IL7R: variants seen among roughly 807,000 people sequenced by gnomAD.
IL7R encodes the protein interleukin 7 receptor, also known as interleukin-7 receptor subunit alpha.
Under a neutral mutation model 47.0 loss-of-function variants are expected in IL7R, and 38 were observed. The observed-to-expected ratio is 0.81, with a 90% CI of 0.62 to 1.06. The LOEUF is 1.06. IL7R is among the 50% of genes least tolerant of loss of function. IL7R has a pLI of 0.00. For synonymous variants in IL7R, 221 were observed against 199.8 expected (o/e 1.11, Z -0.89); for missense variants, 633 against 534.8 (o/e 1.18, Z -1.81).
intron 6 of IL7R, 91 bp from the exon 7 acceptor site, chr5:35,875,421 C>A (rs995140592): frequency 3.3e-6 from 3 of 917,446 alleles, no homozygotes; most frequent in Non-Finnish European, 3.6e-6. Context: ...GAAATCTGTT[C>A]TTCTGATTCC....
chr5:35,877,293 G>C lies in IL7R; in HGVS notation c.*807G>C. On this transcript the variant is annotated 3_prime_UTR_variant, in exon 8 of 8. Transcript: ENST00000303115. ...TACATATCATCACTTAAATTAAAAT[G>C]GCTATGAGAAAGAAAGAGGGGGAGA... The C allele has an allele frequency of 4.3e-6, 1 of 233,170 alleles. No individual in the cohort carries two copies. Among genetic ancestry groups the C allele is most frequent in the Non-Finnish European group, 8.5e-6 (1 of 117,996 alleles). The allele number at this position is 233,170 out of a possible 1,614,324, so 14.4% of individuals were successfully genotyped here. A position where few individuals can be genotyped will look rare whatever the true frequency, so the allele number is the denominator to read the frequency against.
chr5:35,872,285 G>A (rs879563287), intron 4 of IL7R, among the ~76,000 whole-genome samples: 5 of 152,086 alleles, frequency 3.3e-5, no homozygotes, highest in Admixed American at 6.6e-5. Context: ...TGCAACCTCC[G>A]CCTCCCGGGT....
chr5:35,860,444 A>G (rs1431817953), intron 1 of IL7R, among the ~76,000 whole-genome samples: 1 of 152,196 alleles, frequency 6.6e-6, no homozygotes, highest in Non-Finnish European at 1.5e-5. Context: ...ATTAGGTAGC[A>G]TGGGGATAAT....
At chr5:35,873,138 A>G (rs1760114873) in intron 4 of IL7R, 1 of 325,196 alleles carries the variant, frequency 3.1e-6, no homozygotes, top group East Asian at 6.9e-5. Flanking sequence ...TCACTAACCT[A>G]ACCTAACCTT....
rs2149905927 is a variant in IL7R at position 35,876,279 on chromosome 5, G to A, written c.1173G>A (p.Arg391=). The change falls in exon 8 of 8, where the codon AGG becomes AGA. Residue 391 remains arginine, a synonymous_variant. Transcript: ENST00000303115. ...CCTCTTCCAGGTCCCTAGACTGCAG[G>A]GAGAGTGGCAAGAATGGGCCTCATG... ...ILSSSRSLDC[R]ESGKNGPHVY... The A allele has an allele frequency of 6.2e-7, 1 of 1,614,056 alleles. No individual in the cohort carries two copies. The highest frequency in any genetic ancestry group is 1.1e-5 in the South Asian group (1 of 91,068).
At position 35,863,121 on chromosome 5, in the gene IL7R, C is replaced by CT. The variant is rs766409157; in HGVS notation, c.221+2132dup. On this transcript the variant is annotated intron_variant, in intron 2 of 7. Coordinates refer to ENST00000303115, the MANE Select transcript of IL7R (RefSeq NM_002185.5). ...TTGAGACACACACACACATACACACCTACTCTTTAAAGCCTAAACAATCGC... is the reference window on the plus strand; with the variant it reads ...TTGAGACACACACACACATACACACCTTACTCTTTAAAGCCTAAACAATCGC... 2.0e-4 allele frequency among the ~76,000 whole-genome samples: 31 copies of CT among 152,124 alleles called. 1 individual carries two copies. The highest frequency in any genetic ancestry group is 1.4e-3 in the East Asian group (7 of 5,174).
chr5:35,873,968 T>A (rs1200611602), intron 5 of IL7R, among the ~76,000 whole-genome samples: 2 of 152,188 alleles, frequency 1.3e-5, no homozygotes, highest in Admixed American at 6.6e-5. Context: ...CAATGGCTGC[T>A]GTCTCTAAGG....
At chr5:35,863,100 G>GACACAC (rs150100094) in intron 2 of IL7R, among the ~76,000 whole-genome samples, 1 of 151,798 alleles carries the variant, frequency 6.6e-6, no homozygotes, top group Non-Finnish European at 1.5e-5. Flanking sequence ...GTAACTTTGA[G>GACACAC]ACACACACAC....
rs898733314 is a variant in IL7R at position 35,876,542 on chromosome 5, A to G, written c.*56A>G. On this transcript the variant is annotated 3_prime_UTR_variant, in exon 8 of 8. Coordinates refer to ENST00000303115, the MANE Select transcript of IL7R (RefSeq NM_002185.5). Reference sequence around the variant, plus strand: ...GAGCGACAAAGATGATTTAAAAGGGAAGTCTAGAGTTCCTAGTCTCCCTCA... The same window carrying G: ...GAGCGACAAAGATGATTTAAAAGGGGAGTCTAGAGTTCCTAGTCTCCCTCA... The G allele has an allele frequency of 2.5e-6, 4 of 1,581,976 alleles. No homozygotes were observed. The highest frequency in any genetic ancestry group is 3.4e-6 in the Non-Finnish European group (4 of 1,165,226).
In IL7R at chr5:35,878,974, AAT is replaced by A. The variant is rs926242895; in HGVS notation, c.*2489_*2490del. 1.3e-5 allele frequency: 3 copies of A among 232,806 alleles called. No homozygotes were observed. Among genetic ancestry groups the A allele is most frequent in the Admixed American group, 5.6e-5 (1 of 17,764 alleles). 14.4% of individuals were successfully genotyped at this position (232,806 alleles called of 1,614,324 possible). ...GTAGTATTTAAAATGCATGTATTATAATCATATAATCATAACTGCTGTTAATT... is the reference window on the plus strand; with the variant it reads ...GTAGTATTTAAAATGCATGTATTATACATATAATCATAACTGCTGTTAATT... On this transcript the variant is annotated 3_prime_UTR_variant, in exon 8 of 8. Coordinates refer to ENST00000303115, the MANE Select transcript of IL7R (RefSeq NM_002185.5).
chr5:35,871,200 A>G lies in IL7R; in HGVS notation c.524A>G (p.Glu175Gly), dbSNP rs2149901918. ...HDVAYRQEKD[E>G]NKWTHVNLSS... The stretch of plus-strand genomic sequence containing the variant: ...GTAGCTTACCGCCAGGAAAAGGATG[A>G]AAACAAATGGACGGTATGTAGTTCA... The change falls in exon 4 of 8, where the codon GAA (glutamate) becomes GGA (glycine). Residue 175 changes from glutamate to glycine, a missense_variant. Transcript: ENST00000303115. 1.2e-6 allele frequency: 2 copies of G among 1,612,138 alleles called. No homozygotes were observed. The highest frequency in any genetic ancestry group is 8.5e-7 in the Non-Finnish European group (1 of 1,178,222).
chr5:35,860,558 C>T (rs547786840), intron 1 of IL7R, among the ~76,000 whole-genome samples: 5 of 152,212 alleles, frequency 3.3e-5, no homozygotes, highest in African/African-American at 1.2e-4. Context: ...TTCAATGCCT[C>T]TGGTTCTTTA....
chr5:35,860,647 G>GTTTTTGT (rs1307545926), intron 1 of IL7R, among the ~76,000 whole-genome samples: 1 of 151,968 alleles, frequency 6.6e-6, no homozygotes, highest in Non-Finnish European at 1.5e-5. Context: ...AGCATTGAGC[G>GTTTTTGT]TTTTTGTTTT....
Position 35,875,530 on chromosome 5 carries a change from G to T in IL7R, c.819G>T (p.Trp273Cys). 6.2e-7 allele frequency: 1 copy of T among 1,612,064 alleles called. No homozygotes were observed. Among genetic ancestry groups the T allele is most frequent in the Non-Finnish European group, 8.5e-7 (1 of 1,178,538 alleles). ...ATTTCAGGATTAAGCCTATCGTATG[G>T]CCCAGTCTCCCCGATCATAAGAAGA... Reference protein sequence around the residue: ...LWKKRIKPIVWPSLPDHKKTL... With the variant: ...LWKKRIKPIVCPSLPDHKKTL... The change falls in exon 7 of 8, where the codon TGG (tryptophan) becomes TGT (cysteine). Residue 273 changes from tryptophan (W) to cysteine (C), a missense_variant. Transcript: ENST00000303115.
chr5:35,868,939 G>A lies in IL7R; in HGVS notation c.379+1476G>A, dbSNP rs139355910. On this transcript the variant is annotated intron_variant, in intron 3 of 7. Transcript: ENST00000303115. ...ACTGCAAATCTGACATGCCTCCTCC[G>A]AACGGCAAGGGGGAGAGGTACGTAT... is the stretch of plus-strand genomic sequence containing the variant. Among the ~76,000 whole-genome samples the A allele has an allele frequency of 2.2e-3, 339 of 152,160 alleles. 1 individual carries two copies. The highest frequency in any genetic ancestry group is 7.2e-3 in the African/African-American group (299 of 41,480).
intron 1 of IL7R, among the ~76,000 whole-genome samples, chr5:35,858,769 T>A (rs1442669302): frequency 6.6e-6 from 1 of 152,230 alleles, no homozygotes; most frequent in Non-Finnish European, 1.5e-5. Flanking sequence ...ATTAAATCCT[T>A]ACTGTGTTCT....
chr5:35,869,669 G>T (rs1760021686), intron 3 of IL7R, among the ~76,000 whole-genome samples: 1 of 152,118 alleles, frequency 6.6e-6, no homozygotes, highest in African/African-American at 2.4e-5. Context: ...ATTATTAAAA[G>T]ATGGGCACAG....
At chr5:35,864,829 A>G (rs544804111) in intron 2 of IL7R, among the ~76,000 whole-genome samples, 4 of 152,112 alleles carry the variant, frequency 2.6e-5, no homozygotes, top group East Asian at 1.9e-4. Context: ...AGTCTAATAT[A>G]TCATTTATTT....
chr5:35,865,036 G>A (rs1166516763), intron 2 of IL7R, among the ~76,000 whole-genome samples: 1 of 152,042 alleles, frequency 6.6e-6, no homozygotes, highest in Non-Finnish European at 1.5e-5. Context: ...ATGTATACAT[G>A]TGCCATGTTG....
Sources: gnomAD v4.1 joint callset for allele counts (sites outside exome capture counted in the v4.1 genomes callset) on GRCh38, gnomAD v4.1.1 for gene constraint, MANE v1.5 for transcripts, NCBI Gene and HGNC (gene_info 2026-07-23, HGNC 2026-07-21) for gene names.